Variants in STK32B observed in about 807,000 individuals in gnomAD.
STK32B encodes serine/threonine kinase 32B.
In STK32B, 43 loss-of-function variants were observed where a neutral mutation model predicts 52.6. The observed-to-expected ratio is 0.82, with a 90% CI of 0.64 to 1.05. The LOEUF (loss-of-function observed/expected upper bound fraction) is 1.05, where lower values mean the gene tolerates loss of function less well. Ranked by LOEUF, STK32B falls within the 50% of genes least tolerant of loss-of-function variation. The pLI is 0.00. For missense variants in STK32B, 621 were observed against 534.6 expected, an observed-to-expected ratio of 1.16 and a Z score of -1.59; for synonymous variants, 238 against 204.3, an observed-to-expected ratio of 1.17 and a Z score of -1.41.
rs576520357 is a variant in STK32B at position 5,328,929 on chromosome 4, C to T, written c.261-2291C>T. On this transcript the variant is annotated intron_variant, in intron 3 of 11. Transcript: ENST00000282908. ...ACAGATCTGAAGTCCAGCTGGTGGC[C>T]GGGCGCGGTGGCTCATGCCTATAAT... is the stretch of plus-strand genomic sequence containing the variant. Among the ~76,000 whole-genome samples the T allele has an allele frequency of 4.2e-4, 64 of 152,224 alleles. 1 individual carries two copies. The highest frequency in any genetic ancestry group is 2.1e-3 in the South Asian group (10 of 4,814).
chr4:5,237,711 A>G (rs1430629459), intron 3 of STK32B, among the ~76,000 whole-genome samples: 1 of 152,174 alleles, frequency 6.6e-6, no homozygotes, highest in Non-Finnish European at 1.5e-5. Flanking sequence ...GTGCCTTTTC[A>G]TCAAGAACAC....
intron 3 of STK32B, among the ~76,000 whole-genome samples, chr4:5,169,053 C>T (rs894195454): frequency 1.3e-5 from 2 of 152,194 alleles, no homozygotes; most frequent in Non-Finnish European, 2.9e-5. Flanking sequence ...ACTCACGTCC[C>T]CTTCTCCAGT....
chr4:5,446,056 C>T (rs1715387526), intron 6 of STK32B, among the ~76,000 whole-genome samples: 1 of 152,220 alleles, frequency 6.6e-6, no homozygotes, highest in African/African-American at 2.4e-5. Context: ...AGCAAACATA[C>T]TCCACCAATC....
At chr4:5,471,012 G>T (rs958492275) in intron 11 of STK32B, among the ~76,000 whole-genome samples, 1 of 152,162 alleles carries the variant, frequency 6.6e-6, no homozygotes, top group Non-Finnish European at 1.5e-5. Flanking sequence ...CTGCAGACCT[G>T]GCCATCAGCC....
Position 5,453,347 on chromosome 4 carries a change from A to G in STK32B, c.667-3460A>G, listed in dbSNP as rs1257315882. Among the ~76,000 whole-genome samples, 1 of 152,160 alleles carries G rather than the reference A, an allele frequency of 6.6e-6. No individual in the cohort carries two copies. The highest frequency in any genetic ancestry group is 1.5e-5 in the Non-Finnish European group (1 of 68,044). ...ATGTAAATGATAAGAAAACATTTAC[A>G]TTTGTTTCTGGCTGGTGTTCAAGTT... On this transcript the variant is annotated intron_variant, in intron 7 of 11. Transcript: ENST00000282908. The surrounding 1 kb of genome is among the most constrained non-coding windows in gnomAD (Gnocchi z 4.0).
At chr4:5,468,203 C>T (rs535034396) in intron 11 of STK32B, 133 bp downstream of exon 11, 1 of 843,512 alleles carries the variant, frequency 1.2e-6, no homozygotes, top group East Asian at 2.5e-5. Flanking sequence ...AGGTGAGACA[C>T]AGGGCTCTGG....
intron 5 of STK32B, among the ~76,000 whole-genome samples, 171 bp from the exon 6 acceptor site, chr4:5,416,674 A>G (rs796552789): frequency 3.3e-5 from 5 of 152,376 alleles, no homozygotes; most frequent in African/African-American, 1.2e-4. Context: ...ATGAATTTAC[A>G]TTCTGAAACA....
At chr4:5,137,763 G>A (rs964392708) in intron 1 of STK32B, among the ~76,000 whole-genome samples, 1 of 152,160 alleles carries the variant, frequency 6.6e-6, no homozygotes, top group Non-Finnish European at 1.5e-5. Context: ...TTAACTCTAA[G>A]GAAAAAAATG....
Position 5,500,185 on chromosome 4 carries a change from T to G in STK32B, c.*1102T>G, listed in dbSNP as rs1374331991. The G allele has an allele frequency of 6.6e-6, 1 of 152,002 alleles. No individual in the cohort carries two copies. Among genetic ancestry groups the G allele is most frequent in the Non-Finnish European group, 1.5e-5 (1 of 68,036 alleles). 9.4% of individuals were successfully genotyped at this position (152,002 alleles called of 1,614,324 possible). A position where few individuals can be genotyped will look rare whatever the true frequency, so the allele number is the denominator to read the frequency against. On this transcript the variant is annotated 3_prime_UTR_variant, in exon 12 of 12. Coordinates refer to ENST00000282908, the MANE Select transcript of STK32B (RefSeq NM_018401.3). ...GGAAAGCTTAGACTTTGGAGTCAGG[T>G]TTGTGTTCAGAATCCAGCCCTGCTG...
At chr4:5,249,489 T>TCCTTCCTTCCTC (rs1560259448) in intron 3 of STK32B, among the ~76,000 whole-genome samples, 1 of 123,000 alleles carries the variant, frequency 8.1e-6, no homozygotes, top group Non-Finnish European at 1.7e-5. Context: ...CTTCCTTCCT[T>TCCTTCCTTCCTC]CCTTCCTTCC....
chr4:5,464,050 A>G (rs1350161192), intron 9 of STK32B, among the ~76,000 whole-genome samples: 1 of 152,182 alleles, frequency 6.6e-6, no homozygotes, highest in African/African-American at 2.4e-5. Context: ...GCTTCCAGTC[A>G]GGGCGGAAGG....
chr4:5,255,247 G>A (rs1250525850), intron 3 of STK32B, among the ~76,000 whole-genome samples: 1 of 152,134 alleles, frequency 6.6e-6, no homozygotes, highest in Non-Finnish European at 1.5e-5. Flanking sequence ...GGGGGATCAG[G>A]AGGGCAGTTC....
intron 3 of STK32B, among the ~76,000 whole-genome samples, chr4:5,277,563 C>A (rs1455361794): frequency 6.6e-6 from 1 of 152,064 alleles, no homozygotes; most frequent in East Asian, 1.9e-4. Flanking sequence ...TTGTAACATG[C>A]GGATAAAATC....
At chr4:5,360,474 C>T (rs559939052) in intron 4 of STK32B, among the ~76,000 whole-genome samples, 1 of 152,282 alleles carries the variant, frequency 6.6e-6, no homozygotes, top group African/African-American at 2.4e-5. Context: ...TGAGATCAGA[C>T]ACCCTTTGTA....
At chr4:5,241,764 C>G (rs1465161380) in intron 3 of STK32B, among the ~76,000 whole-genome samples, 1 of 152,020 alleles carries the variant, frequency 6.6e-6, no homozygotes, top group Non-Finnish European at 1.5e-5. Context: ...GTGTGATGTT[C>G]CGCTTCCTGT....
intron 3 of STK32B, among the ~76,000 whole-genome samples, chr4:5,202,165 G>C (rs947595864): frequency 6.6e-5 from 10 of 152,210 alleles, no homozygotes; most frequent in African/African-American, 2.4e-4. Flanking sequence ...GTTCCAAGTA[G>C]GAGAAAATGG....
At position 5,446,739 on chromosome 4, in the gene STK32B, C is replaced by T. The variant is rs752188160; in HGVS notation, c.629C>T (p.Ser210Phe). Reference protein sequence around the residue: ...PGYSYPVDWWSLGITAYELLR... With the variant: ...PGYSYPVDWWFLGITAYELLR... Reference sequence around the variant, plus strand: ...TACTCGTACCCTGTCGACTGGTGGTCCCTGGGCATCACAGCCTATGAGCTG... The same window carrying T: ...TACTCGTACCCTGTCGACTGGTGGTTCCTGGGCATCACAGCCTATGAGCTG... Residue 210 changes from serine (S) to phenylalanine (F), a missense_variant, in exon 7 of 12, where the codon TCC becomes TTC. Coordinates refer to ENST00000282908, the MANE Select transcript of STK32B (RefSeq NM_018401.3). The T allele has an allele frequency of 8.1e-6, 13 of 1,613,904 alleles. No homozygotes were observed. Among genetic ancestry groups the T allele is most frequent in the South Asian group, 1.1e-5 (1 of 91,068 alleles).
In STK32B at chr4:5,149,190, T is replaced by C. The variant is rs1373972380; in HGVS notation, c.108+9230T>C. The stretch of plus-strand genomic sequence containing the variant: ...ACTTATGCTTACTGTTTCCATGACA[T>C]ATGTTTTTCTATGCATTTATTTTCA... On this transcript the variant is annotated intron_variant, in intron 2 of 11. Transcript: ENST00000282908. Among the ~76,000 whole-genome samples the C allele has an allele frequency of 3.9e-5, 6 of 152,034 alleles. No homozygotes were observed. The East Asian group carries it at 1.2e-3, about 29-fold the overall frequency.
chr4:5,173,731 G>A (rs1719585904), intron 3 of STK32B, among the ~76,000 whole-genome samples: 1 of 152,144 alleles, frequency 6.6e-6, no homozygotes. Flanking sequence ...CAACTATGTG[G>A]TCAATTTTGG....
Sources: gnomAD v4.1 joint callset for allele counts (sites outside exome capture counted in the v4.1 genomes callset) on GRCh38, gnomAD v4.1.1 for gene constraint, Gnocchi (gnomAD v3.1) non-coding constraint, MANE v1.5 for transcripts, NCBI Gene and HGNC (gene_info 2026-07-23, HGNC 2026-07-21) for gene names.